MCF2L2: variants seen among roughly 807,000 people sequenced by gnomAD.
The protein encoded by MCF2L2 is MCF.2 cell line derived transforming sequence-like 2, also known as probable guanine nucleotide exchange factor MCF2L2.
Under a neutral mutation model 150.2 loss-of-function variants are expected in MCF2L2, and 102 were observed. That is an observed-to-expected ratio of 0.68 (90% CI 0.58 to 0.80). The LOEUF is 0.80. Ranked by LOEUF, MCF2L2 falls within the 30% of genes least tolerant of loss-of-function variation. The pLI, the probability that MCF2L2 is intolerant of heterozygous loss-of-function variation, is 0.00. For missense variants in MCF2L2, 1,256 were observed against 1,372.8 expected, an observed-to-expected ratio of 0.91 and a Z score of 1.34; for synonymous variants, 465 against 491.3, an observed-to-expected ratio of 0.95 and a Z score of 0.71.
chr3:183,407,762 C>T (rs1260448305), intron 1 of MCF2L2, among the ~76,000 whole-genome samples: 3 of 152,136 alleles, frequency 2.0e-5, no homozygotes, highest in Non-Finnish European at 2.9e-5. Flanking sequence ...AGCCTGCGGG[C>T]TTGTTCCTCC....
Position 183,318,226 on chromosome 3 carries a change from T to G in MCF2L2, c.604-9A>C. 1 of 1,614,120 alleles carries G rather than the reference T, an allele frequency of 6.2e-7. No homozygotes were observed. The highest frequency in any genetic ancestry group is 8.5e-7 in the Non-Finnish European group (1 of 1,179,982). On this transcript the variant is annotated splice_polypyrimidine_tract_variant and intron_variant, in intron 6 of 29. Transcript: ENST00000328913. ...GCAAAGTTTTCGATGGCCTGGAAGG[T>G]CAGACAATTGTAACAATATGGAGAG...
chr3:183,270,747 G>C lies in MCF2L2; in HGVS notation c.1862+6125C>G, dbSNP rs910564438. The C allele has an allele frequency of 8.7e-6, 14 of 1,612,504 alleles. No homozygotes were observed. The highest frequency in any genetic ancestry group is 1.2e-5 in the Non-Finnish European group (14 of 1,179,556). ...AACTCCTTATCATCCCTGCATCTAT[G>C]AAAAAATGATGACATCTCATGGACA... On this transcript the variant is annotated intron_variant, in intron 15 of 29. Transcript: ENST00000328913. The surrounding 1 kb of genome is among the most constrained non-coding windows in gnomAD (Gnocchi z 4.5).
At position 183,195,759 on chromosome 3, in the gene MCF2L2, C is replaced by A. The variant is rs75679834; in HGVS notation, c.2885-504G>T. ...AGCATAAAAGCCAAATTCCTCGGCCCGATATTTGAGGCCATCTCAATCTTT... is the reference window on the plus strand; with the variant it reads ...AGCATAAAAGCCAAATTCCTCGGCCAGATATTTGAGGCCATCTCAATCTTT... On this transcript the variant is annotated intron_variant, in intron 25 of 29. Transcript: ENST00000328913. Among the ~76,000 whole-genome samples the A allele has an allele frequency of 5.0e-3, 761 of 152,228 alleles. 9 individuals are homozygous for A. Among genetic ancestry groups the A allele is most frequent in the South Asian group, 0.042 (204 of 4,820 alleles).
intron 1 of MCF2L2, among the ~76,000 whole-genome samples, chr3:183,413,469 A>G (rs1166210323): frequency 6.6e-6 from 1 of 152,084 alleles, no homozygotes; most frequent in Admixed American, 6.6e-5. Flanking sequence ...ACCTCCTCAC[A>G]GCTCCCCCAG....
intron 5 of MCF2L2, among the ~76,000 whole-genome samples, chr3:183,330,319 T>A (rs534705933): frequency 3.7e-4 from 57 of 152,002 alleles, no homozygotes; most frequent in African/African-American, 9.7e-4. Context: ...AAACTTTTTT[T>A]AAAAAGTACA....
rs538114406 is a variant in MCF2L2 at position 183,276,817 on chromosome 3, G to A, written c.1862+55C>T. ...CTGAGGTGTAAAAGAGAGGATCCTC[G>A]CCACCCATGCCCCGCACCCCCTCGC... is the stretch of plus-strand genomic sequence containing the variant. On this transcript the variant is annotated intron_variant, in intron 15 of 29. Coordinates refer to ENST00000328913, the MANE Select transcript of MCF2L2 (RefSeq NM_015078.4). The A allele has an allele frequency of 4.1e-5, 52 of 1,258,290 alleles. No individual in the cohort carries two copies. In the African/African-American group the frequency reaches 6.5e-4, roughly 16 times the overall value. The allele number at this position is 1,258,290 out of a possible 1,614,324, so 77.9% of individuals were successfully genotyped here.
chr3:183,316,627 G>A (rs1367622445), intron 7 of MCF2L2, among the ~76,000 whole-genome samples: 1 of 151,602 alleles, frequency 6.6e-6, no homozygotes. Flanking sequence ...TTACACGCAT[G>A]AGCCACTGCA....
At chr3:183,404,795 G>C (rs1479842485) in intron 1 of MCF2L2, among the ~76,000 whole-genome samples, 1 of 152,028 alleles carries the variant, frequency 6.6e-6, no homozygotes, top group African/African-American at 2.4e-5. Flanking sequence ...CCTGGGAGGC[G>C]GAGGTTGCAG....
rs397795812 is a variant in MCF2L2 at position 183,305,325 on chromosome 3, CTTTTTTTT to C, written c.1113+4383_1113+4390del. Among the ~76,000 whole-genome samples the C allele has an allele frequency of 6.8e-6, 1 of 146,382 alleles. No homozygotes were observed. The highest frequency in any genetic ancestry group is 2.5e-5 in the African/African-American group (1 of 40,144). ...CTTGGCATGAAAGTCTCTGTTGACA[CTTTTTTTT>C]TTTTTAAGTCCAGCTGCCTAATTTA... On this transcript the variant is annotated intron_variant, in intron 10 of 29. Transcript: ENST00000328913. This position sits in a 1 kb window ranked among gnomAD's most constrained non-coding sequence, Gnocchi z 4.1.
intron 2 of MCF2L2, 102 bp downstream of exon 2, chr3:183,389,590 GGTGA>G (rs1219457164): frequency 3.2e-6 from 3 of 935,516 alleles, no homozygotes; most frequent in Non-Finnish European, 5.2e-6. Flanking sequence ...AAGCCTAAGG[GGTGA>G]GTGAGATTTG....
At chr3:183,219,736 A>G in intron 21 of MCF2L2, 120 bp downstream of exon 21, 1 of 646,830 alleles carries the variant, frequency 1.5e-6, no homozygotes, top group South Asian at 2.2e-5. Context: ...TAGGATACAT[A>G]CTATTTTAGA....
chr3:183,214,585 G>A (rs1722845436), intron 22 of MCF2L2, among the ~76,000 whole-genome samples: 1 of 151,744 alleles, frequency 6.6e-6, no homozygotes, highest in Admixed American at 6.6e-5. Flanking sequence ...TCAATACATG[G>A]TATGTTCAAA....
At chr3:183,331,775 T>C (rs534648116) in intron 5 of MCF2L2, among the ~76,000 whole-genome samples, 1 of 152,316 alleles carries the variant, frequency 6.6e-6, no homozygotes, top group South Asian at 2.1e-4. Context: ...GAGGATCACT[T>C]GAGCCCAGGA....
intron 26 of MCF2L2, among the ~76,000 whole-genome samples, chr3:183,193,653 A>C (rs1189033443): frequency 6.6e-6 from 1 of 152,150 alleles, no homozygotes; most frequent in African/African-American, 2.4e-5. Context: ...GGGGGAAGAG[A>C]TGAGGAGGAA....
At chr3:183,327,828 A>C (rs1730113062) in intron 5 of MCF2L2, among the ~76,000 whole-genome samples, 1 of 152,234 alleles carries the variant, frequency 6.6e-6, no homozygotes, top group African/African-American at 2.4e-5. Context: ...ATAGTAAGAA[A>C]TGTATTCAGT....
chr3:183,220,446 T>C (rs1283897455), intron 20 of MCF2L2, among the ~76,000 whole-genome samples: 1 of 152,228 alleles, frequency 6.6e-6, no homozygotes, highest in Non-Finnish European at 1.5e-5. Context: ...TTATATCTTA[T>C]AGATAAACCA....
intron 9 of MCF2L2, among the ~76,000 whole-genome samples, chr3:183,310,316 CACAG>C (rs1729305898): frequency 6.6e-6 from 1 of 152,110 alleles, no homozygotes; most frequent in Non-Finnish European, 1.5e-5. Flanking sequence ...TCCTGGCTAA[CACAG>C]TGAAACCCCA....
At chr3:183,348,732 A>G (rs1037021171) in intron 3 of MCF2L2, among the ~76,000 whole-genome samples, 2 of 152,124 alleles carry the variant, frequency 1.3e-5, no homozygotes, top group African/African-American at 4.8e-5. Flanking sequence ...CTATGTGAAT[A>G]TTTTTCAAAG....
chr3:183,277,790 T>G (rs1727245383), intron 14 of MCF2L2, among the ~76,000 whole-genome samples: 1 of 151,362 alleles, frequency 6.6e-6, no homozygotes, highest in Non-Finnish European at 1.5e-5. Context: ...TATATATGTT[T>G]TCCTTTTAAA....
Sources: gnomAD v4.1 joint callset for allele counts (sites outside exome capture counted in the v4.1 genomes callset) on GRCh38, gnomAD v4.1.1 for gene constraint, Gnocchi (gnomAD v3.1) non-coding constraint, MANE v1.5 for transcripts, NCBI Gene and HGNC (gene_info 2026-07-23, HGNC 2026-07-21) for gene names.